The following ASIC2 variants were observed in gnomAD, a reference collection of about 807,000 sequenced individuals.
ASIC2 encodes acid-sensing ion channel 2.
ASIC2 carries 25 observed loss-of-function variants against 57.3 expected under a neutral mutation model. That is an observed-to-expected ratio of 0.44 (90% CI 0.32 to 0.61). ASIC2 has a LOEUF of 0.61. Among genes scored for constraint, ASIC2 ranks in the 20% least tolerant of loss-of-function variants. The probability of loss-of-function intolerance (pLI) is 0.06; values close to 1 mark genes in which losing one functional copy is unlikely to be tolerated. For missense variants in ASIC2, 641 were observed against 738.1 expected (o/e 0.87, Z 1.52); for synonymous variants, 319 against 307.5 (o/e 1.04, Z -0.39).
At chr17:33,673,013 A>G (rs1235783451) in intron 1 of ASIC2, among the ~76,000 whole-genome samples, 1 of 152,232 alleles carries the variant, frequency 6.6e-6, no homozygotes, top group African/African-American at 2.4e-5. Flanking sequence ...GCAGGAAGTA[A>G]TGACAGTGAT....
chr17:33,880,583 A>T (rs1567744254), intron 1 of ASIC2, among the ~76,000 whole-genome samples: 2 of 152,222 alleles, frequency 1.3e-5, no homozygotes, highest in African/African-American at 4.8e-5. Flanking sequence ...TGAATAGACC[A>T]ATAACAGGCT....
chr17:33,460,062 C>CT (rs1481148758), intron 1 of ASIC2, among the ~76,000 whole-genome samples: 1 of 152,112 alleles, frequency 6.6e-6, no homozygotes, highest in African/African-American at 2.4e-5. Context: ...GACAAACTAG[C>CT]TAGTAGTTTA....
In ASIC2 at chr17:33,135,532, A is replaced by T. The variant is rs532085467; in HGVS notation, c.709-23465T>A. 6.6e-5 allele frequency among the ~76,000 whole-genome samples: 10 copies of T among 152,362 alleles called. No homozygotes were observed. The South Asian group carries it at 1.9e-3, about 28-fold the overall frequency. On this transcript the variant is annotated intron_variant, in intron 1 of 9. Transcript: ENST00000225823. ...CTGTATCCCACTGCCCTGTGAGGGCATGTAGCGAACTCTCAATCAATGTTA... is the reference window on the plus strand; with the variant it reads ...CTGTATCCCACTGCCCTGTGAGGGCTTGTAGCGAACTCTCAATCAATGTTA...
chr17:33,132,676 G>T (rs2092351942), intron 1 of ASIC2, among the ~76,000 whole-genome samples: 1 of 152,204 alleles, frequency 6.6e-6, no homozygotes, highest in African/African-American at 2.4e-5. Context: ...AAGTTTTCCA[G>T]ACCAGTTTAA....
intron 1 of ASIC2, among the ~76,000 whole-genome samples, chr17:34,019,456 A>G (rs568571833): frequency 6.6e-6 from 1 of 152,302 alleles, no homozygotes; most frequent in Admixed American, 6.5e-5. Context: ...ATTTTAAGAA[A>G]TCACCAAAGC....
At chr17:33,886,938 AC>A (rs11320096) in intron 1 of ASIC2, among the ~76,000 whole-genome samples, 25,613 of 151,980 alleles carry the variant, frequency 0.17, 2,270 homozygotes, top group African/African-American at 0.23. Context: ...AAGGCAGAAA[AC>A]AAACAAACAA....
chr17:33,463,477 C>T (rs1040517849), intron 1 of ASIC2, among the ~76,000 whole-genome samples: 4 of 152,200 alleles, frequency 2.6e-5, no homozygotes, highest in Non-Finnish European at 4.4e-5. Context: ...CACTACCCTC[C>T]AATATTTCCA....
At chr17:33,312,335 C>T (rs1248325139) in intron 1 of ASIC2, among the ~76,000 whole-genome samples, 1 of 152,124 alleles carries the variant, frequency 6.6e-6, no homozygotes, top group African/African-American at 2.4e-5. Flanking sequence ...TCATGGTGTC[C>T]AGGTTTCTCT....
At chr17:33,511,695 C>G (rs932623719) in intron 1 of ASIC2, among the ~76,000 whole-genome samples, 1 of 152,222 alleles carries the variant, frequency 6.6e-6, no homozygotes, top group Non-Finnish European at 1.5e-5. Flanking sequence ...TTCATACTCA[C>G]TCTACTACCC....
At chr17:33,505,200 A>C (rs961650980) in intron 1 of ASIC2, among the ~76,000 whole-genome samples, 5 of 152,100 alleles carry the variant, frequency 3.3e-5, no homozygotes, top group African/African-American at 7.2e-5. Context: ...CCAGAGGGGC[A>C]CAGCACTGAG....
rs139391315 is a variant in ASIC2 at position 33,963,573 on chromosome 17, A to G, written c.555+192405T>C. Among the ~76,000 whole-genome samples the G allele has an allele frequency of 3.9e-3, 590 of 152,288 alleles. 9 individuals are homozygous for G. In the South Asian group the frequency reaches 0.051, roughly 13 times the overall value. On this transcript the variant is annotated intron_variant, in intron 1 of 9. Coordinates refer to the ASIC2 transcript ENST00000359872. ...AAAGCAGGCTGGCTCCTGCCACTGT[A>G]CTTCACACATAACAGGTGCTTAAAT...
intron 6 of ASIC2, among the ~76,000 whole-genome samples, chr17:33,021,730 C>T (rs573474606): frequency 2.0e-5 from 3 of 152,340 alleles, no homozygotes; most frequent in Admixed American, 2.0e-4. Flanking sequence ...CCTGAGGCCC[C>T]CTAAATTCCC....
intron 1 of ASIC2, among the ~76,000 whole-genome samples, chr17:33,654,845 C>T (rs1907029007): frequency 6.6e-6 from 1 of 152,194 alleles, no homozygotes; most frequent in Admixed American, 6.5e-5. Flanking sequence ...AAGAAGATGG[C>T]TTGGCTGGCA....
intron 1 of ASIC2, chr17:33,131,734 G>A (rs2092346881): frequency 6.6e-6 from 1 of 152,292 alleles, no homozygotes; most frequent in African/African-American, 2.4e-5. Flanking sequence ...AGGACCATGA[G>A]TGGCCATTGT....
intron 1 of ASIC2, among the ~76,000 whole-genome samples, chr17:33,678,111 A>G (rs1490761708): frequency 6.6e-6 from 1 of 152,208 alleles, no homozygotes; most frequent in African/African-American, 2.4e-5. Context: ...ATCAGCATCA[A>G]GCTAGCAAAA....
chr17:33,684,436 T>C (rs1908115302), intron 1 of ASIC2, among the ~76,000 whole-genome samples: 1 of 151,822 alleles, frequency 6.6e-6, no homozygotes, highest in South Asian at 2.1e-4. Context: ...AAGGTTCTTC[T>C]TTGCAGGACA....
At chr17:33,532,504 C>A (rs1193412907) in intron 1 of ASIC2, among the ~76,000 whole-genome samples, 1 of 152,170 alleles carries the variant, frequency 6.6e-6, no homozygotes, top group African/African-American at 2.4e-5. Context: ...GAAATCCAGT[C>A]CCAAATCTCC....
Position 34,062,034 on chromosome 17 carries a change from T to C in ASIC2, c.555+93944A>G, listed in dbSNP as rs570656008. 3.9e-5 allele frequency among the ~76,000 whole-genome samples: 6 copies of C among 152,214 alleles called. No homozygotes were observed. In the East Asian group the frequency reaches 1.2e-3, roughly 29 times the overall value. On this transcript the variant is annotated intron_variant, in intron 1 of 9. Transcript: ENST00000359872. ...ACCTTGGAACAAATGGACTTAGATA[T>C]GTACCGAACATTTCATCCAACAACC...
chr17:33,373,354 T>C (rs557983379), intron 1 of ASIC2, among the ~76,000 whole-genome samples: 61 of 152,276 alleles, frequency 4.0e-4, no homozygotes, highest in Non-Finnish European at 6.8e-4. Flanking sequence ...TGGTCATTCC[T>C]GGGCATAGGC....
Sources: allele counts gnomAD v4.1 joint callset (sites outside exome capture counted in the v4.1 genomes callset), GRCh38; gene constraint gnomAD v4.1.1; transcripts MANE v1.5; gene names NCBI Gene and HGNC (gene_info 2026-07-23, HGNC 2026-07-21).